CALN1: variants seen among roughly 807,000 people sequenced by gnomAD.
The protein encoded by CALN1 is calcium-binding protein 8.
In CALN1, 17 loss-of-function variants were observed where a neutral mutation model predicts 30.6. The ratio of observed to expected loss-of-function variants is 0.56; its 90% CI spans 0.38 to 0.83. The LOEUF (loss-of-function observed/expected upper bound fraction) is 0.83. CALN1 is among the 40% of genes least tolerant of loss of function. The probability of loss-of-function intolerance (pLI) is 0.00; values close to 1 mark genes in which losing one functional copy is unlikely to be tolerated. For missense variants in CALN1, 291 were observed against 354.9 expected, an observed-to-expected ratio of 0.82 and a Z score of 1.45; for synonymous variants, 156 against 131.4, an observed-to-expected ratio of 1.19 and a Z score of -1.28.
chr7:72,074,350 C>T (rs534232431), intron 4 of CALN1, among the ~76,000 whole-genome samples: 1 of 152,310 alleles, frequency 6.6e-6, no homozygotes, highest in South Asian at 2.1e-4. Context: ...CAGGACCTCT[C>T]AGGGCCACCT....
chr7:72,031,886 C>T (rs377745742), intron 4 of CALN1, among the ~76,000 whole-genome samples: 109 of 151,866 alleles, frequency 7.2e-4, no homozygotes, highest in African/African-American at 2.5e-3. Context: ...TGATTACAGG[C>T]ACCCACCACC....
At chr7:72,216,277 A>C (rs765046833) in intron 3 of CALN1, among the ~76,000 whole-genome samples, 1 of 151,910 alleles carries the variant, frequency 6.6e-6, no homozygotes, top group Non-Finnish European at 1.5e-5. Flanking sequence ...TAAATTTAAC[A>C]TAACTGAGCG....
Position 72,326,285 on chromosome 7 carries a change from G to C in CALN1, c.120-47475C>G, listed in dbSNP as rs377441512. On this transcript the variant is annotated intron_variant, in intron 2 of 6. Transcript: ENST00000395275. ...AGGTTGCTTGTCTTGGATAGGCACAGAAAGGATGAAGGCTTTAGCTAGTGG... is the reference window on the plus strand; with the variant it reads ...AGGTTGCTTGTCTTGGATAGGCACACAAAGGATGAAGGCTTTAGCTAGTGG... Among the ~76,000 whole-genome samples, 44 of 152,310 alleles carry C rather than the reference G, an allele frequency of 2.9e-4. No homozygotes were observed. In the East Asian group the frequency reaches 5.8e-3, roughly 20 times the overall value.
chr7:72,090,795 C>T lies in CALN1; in HGVS notation c.388+15356G>A, dbSNP rs148124333. 3.0e-3 allele frequency among the ~76,000 whole-genome samples: 451 copies of T among 152,172 alleles called. 2 individuals carry two copies. Among genetic ancestry groups the T allele is most frequent in the African/African-American group, 9.9e-3 (411 of 41,514 alleles). ...CAACCACATGGGTTGAACTGGAAGACACTATGTTAAGTGAAACAAGCCAAG... is the reference window on the plus strand; with the variant it reads ...CAACCACATGGGTTGAACTGGAAGATACTATGTTAAGTGAAACAAGCCAAG... On this transcript the variant is annotated intron_variant, in intron 4 of 6. Transcript: ENST00000395275.
intron 5 of CALN1, among the ~76,000 whole-genome samples, chr7:72,014,682 G>T (rs1800278018): frequency 6.6e-6 from 1 of 152,026 alleles, no homozygotes; most frequent in Admixed American, 6.5e-5. Flanking sequence ...TACTTTTTGA[G>T]ACAGGGTCTC....
chr7:72,087,714 T>C (rs75685656), intron 4 of CALN1, among the ~76,000 whole-genome samples: 6 of 151,750 alleles, frequency 4.0e-5, no homozygotes, highest in African/African-American at 7.3e-5. Flanking sequence ...AGGAAAAACA[T>C]AGAGAAAGAA....
At chr7:72,007,389 TACAAAAAATTA>T (rs1799831250) in intron 5 of CALN1, among the ~76,000 whole-genome samples, 1 of 152,052 alleles carries the variant, frequency 6.6e-6, no homozygotes, top group African/African-American at 2.4e-5. Flanking sequence ...CTACTAAACA[TACAAAAAATTA>T]GCTGGGTATG....
rs1219769672 is a variant in CALN1, at chr7:71,786,144, T to C, written c.*1631A>G. 2.0e-5 allele frequency: 3 copies of C among 152,140 alleles called. No individual in the cohort carries two copies. Among genetic ancestry groups the C allele is most frequent in the African/African-American group, 7.3e-5 (3 of 41,344 alleles). 9.4% of individuals were successfully genotyped at this position (152,140 alleles called of 1,614,324 possible). ...GGGTGCTCCAAGTCTGAAAAGGCAG[T>C]AGGGAGAAAGCTGAGCAGGAAGACA... On this transcript the variant is annotated 3_prime_UTR_variant, in exon 7 of 7. Transcript: ENST00000395275.
chr7:72,483,710 T>G, the CALN1 span, among the ~76,000 whole-genome samples: 4 of 152,214 alleles, frequency 2.6e-5, no homozygotes, highest in Non-Finnish European at 5.9e-5. Flanking sequence ...ATCCCTTCTC[T>G]CCTTTGCAGA....
the CALN1 span, among the ~76,000 whole-genome samples, chr7:72,498,521 AC>A: frequency 6.6e-6 from 1 of 152,164 alleles, no homozygotes. Context: ...CAAGGAAATT[AC>A]ATCTTTAAAG....
At chr7:71,968,800 T>C (rs1397467073) in intron 5 of CALN1, among the ~76,000 whole-genome samples, 1 of 151,898 alleles carries the variant, frequency 6.6e-6, no homozygotes, top group Non-Finnish European at 1.5e-5. Flanking sequence ...ATCCCAGCAC[T>C]TTGGGAGGCT....
chr7:71,934,960 C>T (rs114612804), intron 5 of CALN1, among the ~76,000 whole-genome samples: 3,086 of 152,004 alleles, frequency 0.02, 93 homozygotes, highest in African/African-American at 0.071. Flanking sequence ...ACAGTAAAGA[C>T]CCACCCCCAT....
the CALN1 span, among the ~76,000 whole-genome samples, chr7:72,470,078 G>C: frequency 6.6e-6 from 1 of 152,158 alleles, no homozygotes; most frequent in Non-Finnish European, 1.5e-5. Flanking sequence ...CTAAACATGT[G>C]ACTGAACCAT....
At chr7:72,125,791 G>C in intron 3 of CALN1, among the ~76,000 whole-genome samples, 1 of 131,088 alleles carries the variant, frequency 7.6e-6, no homozygotes, top group South Asian at 2.5e-4. Context: ...CAAGTCCACT[G>C]TATCATTCTT....
chr7:72,328,976 C>A (rs1483510945), intron 2 of CALN1, among the ~76,000 whole-genome samples: 2 of 152,230 alleles, frequency 1.3e-5, no homozygotes, highest in Non-Finnish European at 2.9e-5. Flanking sequence ...GGATTACAGG[C>A]GTAAGCCAAC....
At chr7:72,157,841 T>C (rs1787814134) in intron 3 of CALN1, among the ~76,000 whole-genome samples, 1 of 152,186 alleles carries the variant, frequency 6.6e-6, no homozygotes, top group Non-Finnish European at 1.5e-5. Flanking sequence ...CCTCCCCCAT[T>C]CAAGCGATTC....
chr7:72,160,269 ATTTTC>A (rs200706816), intron 3 of CALN1, among the ~76,000 whole-genome samples: 1,536 of 138,886 alleles, frequency 0.011, 25 homozygotes, highest in African/African-American at 0.04. Context: ...AACACTATTT[ATTTTC>A]TTTTTAGTTT....
intron 1 of CALN1, among the ~76,000 whole-genome samples, chr7:72,411,041 G>A (rs962248097): frequency 1.3e-5 from 2 of 152,118 alleles, no homozygotes; most frequent in African/African-American, 4.8e-5. Context: ...GGTGAATTTA[G>A]TAAAGCATTA....
chr7:72,274,765 C>T (rs542798475), intron 3 of CALN1, among the ~76,000 whole-genome samples: 5 of 152,166 alleles, frequency 3.3e-5, no homozygotes, highest in African/African-American at 1.2e-4. Flanking sequence ...TAGTAAATAT[C>T]CGTTTAATGA....
Sources: gnomAD v4.1 joint callset for allele counts (sites outside exome capture counted in the v4.1 genomes callset) on GRCh38, gnomAD v4.1.1 for gene constraint, MANE v1.5 for transcripts, NCBI Gene and HGNC (gene_info 2026-07-23, HGNC 2026-07-21) for gene names.